The following GREB1 variants were observed in gnomAD, a reference collection of about 807,000 sequenced individuals.
GREB1 encodes the protein growth regulating estrogen receptor binding 1, also known as protein GREB1.
GREB1 carries 106 observed loss-of-function variants against 200.7 expected under a neutral mutation model. That is an observed-to-expected ratio of 0.53 (90% CI 0.45 to 0.62). The LOEUF is 0.62. Among genes scored for constraint, GREB1 ranks in the 20% least tolerant of loss-of-function variants. The pLI is 0.00. For synonymous variants in GREB1, 1,132 were observed against 1,092.4 expected (o/e 1.04, Z -0.72); for missense variants, 2,243 against 2,556.8 (o/e 0.88, Z 2.65).
At chr2:11,598,603 C>T (rs1681478477) in intron 14 of GREB1, 77 bp from the exon 15 acceptor site, 3 of 1,323,700 alleles carry the variant, frequency 2.3e-6, no homozygotes, top group South Asian at 1.3e-5. Context: ...GTAGGAGTCG[C>T]TCCTCAGGTG....
chr2:11,598,808 C>T lies in GREB1; in HGVS notation c.2281C>T (p.Pro761Ser), dbSNP rs1378317586. The T allele has an allele frequency of 3.7e-6, 6 of 1,614,078 alleles. No homozygotes were observed. Among genetic ancestry groups the T allele is most frequent in the Non-Finnish European group, 5.1e-6 (6 of 1,180,038 alleles). ...KAFLQNSFQN[P>S]HTLFVLIHDH... ...TTTTCTGCAAAACTCCTTCCAGAAC[C>T]CGCATACACTTTTTGTCCTAATCCA... The change falls in exon 15 of 33, where the codon CCG (proline) becomes TCG (serine). Residue 761 changes from proline (P) to serine (S), a missense_variant. Coordinates refer to ENST00000381486, the MANE Select transcript of GREB1 (RefSeq NM_014668.4).
intron 1 of GREB1, among the ~76,000 whole-genome samples, chr2:11,488,526 C>T (rs186770500): frequency 1.3e-5 from 2 of 152,252 alleles, no homozygotes; most frequent in Non-Finnish European, 2.9e-5. Flanking sequence ...TGCAGTGGCT[C>T]ATGCCTGTAA....
chr2:11,530,310 C>T (rs1359305202), upstream of GREB1, among the ~76,000 whole-genome samples: 1 of 151,990 alleles, frequency 6.6e-6, no homozygotes. Context: ...GATCCACCCA[C>T]TTTGGCCTCC....
intron 31 of GREB1, among the ~76,000 whole-genome samples, 166 bp downstream of exon 31, chr2:11,638,082 C>G (rs928779587): frequency 6.6e-6 from 1 of 152,230 alleles, no homozygotes; most frequent in Admixed American, 6.5e-5. Flanking sequence ...GATGCTTTGC[C>G]TGGAAGTAAG....
intron 24 of GREB1, among the ~76,000 whole-genome samples, chr2:11,625,702 A>G (rs757231838): frequency 2.6e-5 from 4 of 152,122 alleles, no homozygotes; most frequent in Admixed American, 6.5e-5. Flanking sequence ...CCCAACATCC[A>G]TGGTGTGCTG....
At chr2:11,576,645 C>A in intron 5 of GREB1, 110 bp downstream of exon 5, 1 of 764,592 alleles carries the variant, frequency 1.3e-6, no homozygotes, top group Non-Finnish European at 2.2e-6. Context: ...GCACACATCA[C>A]GGGCAAAAGG....
intron 1 of GREB1, among the ~76,000 whole-genome samples, chr2:11,515,104 ATCCT>A (rs1300133589): frequency 4.4e-5 from 4 of 91,330 alleles, no homozygotes; most frequent in Non-Finnish European, 6.9e-5. Context: ...CCATCTATCC[ATCCT>A]TCCATCCATC....
chr2:11,512,266 G>T (rs1673372321), intron 1 of GREB1, among the ~76,000 whole-genome samples: 2 of 152,176 alleles, frequency 1.3e-5, no homozygotes, highest in Admixed American at 1.3e-4. Flanking sequence ...TCCTGGGGAG[G>T]AATTTGTGTC....
intron 12 of GREB1, among the ~76,000 whole-genome samples, chr2:11,595,881 G>A (rs1469466162): frequency 6.6e-6 from 1 of 152,016 alleles, no homozygotes; most frequent in Non-Finnish European, 1.5e-5. Flanking sequence ...CCTTTACCAT[G>A]TTGTTCTTCC....
At chr2:11,626,563 G>A (rs1684474981) in intron 24 of GREB1, among the ~76,000 whole-genome samples, 1 of 152,202 alleles carries the variant, frequency 6.6e-6, no homozygotes, top group South Asian at 2.1e-4. Context: ...ACTCCAGCCT[G>A]AGCGACAGAG....
chr2:11,499,768 T>C (rs1360644532), intron 1 of GREB1, among the ~76,000 whole-genome samples: 2 of 152,234 alleles, frequency 1.3e-5, no homozygotes, highest in African/African-American at 4.8e-5. Context: ...TTAATGTAGA[T>C]ATGCACATTT....
At chr2:11,604,234 C>T (rs1682047229) in intron 17 of GREB1, among the ~76,000 whole-genome samples, 1 of 152,196 alleles carries the variant, frequency 6.6e-6, no homozygotes, top group Non-Finnish European at 1.5e-5. Flanking sequence ...GTAACAGTTG[C>T]ATGCTGAGAG....
At chr2:11,586,959 C>T (rs970016789) in intron 9 of GREB1, among the ~76,000 whole-genome samples, 5 of 152,048 alleles carry the variant, frequency 3.3e-5, no homozygotes, top group African/African-American at 1.2e-4. Flanking sequence ...CCGAAGACCA[C>T]GGTGCTCAGG....
At chr2:11,505,068 A>G (rs1249229535) in intron 1 of GREB1, among the ~76,000 whole-genome samples, 1 of 152,066 alleles carries the variant, frequency 6.6e-6, no homozygotes, top group Non-Finnish European at 1.5e-5. Flanking sequence ...AGTAGTTGGG[A>G]CTACAGGAGC....
intron 18 of GREB1, among the ~76,000 whole-genome samples, chr2:11,611,969 G>A (rs1395889315): frequency 3.9e-5 from 6 of 152,072 alleles, no homozygotes; most frequent in African/African-American, 1.2e-4. Flanking sequence ...CGAGGCGGGC[G>A]GATCACTTGA....
intron 1 of GREB1, among the ~76,000 whole-genome samples, chr2:11,500,769 A>G (rs567695908): frequency 1.3e-5 from 2 of 152,348 alleles, no homozygotes; most frequent in Admixed American, 6.5e-5. Flanking sequence ...CTCAGTTTTC[A>G]TAAGCAAATA....
intron 3 of GREB1, among the ~76,000 whole-genome samples, chr2:11,564,031 G>C (rs1010770014): frequency 5.3e-5 from 8 of 152,320 alleles, no homozygotes; most frequent in Non-Finnish European, 1.2e-4. Flanking sequence ...AGTCAGCCAG[G>C]AGACTGTGGA....
At chr2:11,615,934 T>G (rs187377124) in intron 20 of GREB1, among the ~76,000 whole-genome samples, 1 of 152,344 alleles carries the variant, frequency 6.6e-6, no homozygotes, top group East Asian at 1.9e-4. Flanking sequence ...TGGTCTGCCT[T>G]GTCTGTCTTG....
Position 11,598,721 on chromosome 2 carries a change from A to G in GREB1, c.2194A>G (p.Lys732Glu), listed in dbSNP as rs756952751. The G allele has an allele frequency of 1.2e-6, 2 of 1,614,178 alleles. No individual in the cohort carries two copies. Among genetic ancestry groups the G allele is most frequent in the Non-Finnish European group, 1.7e-6 (2 of 1,180,030 alleles). Residue 732 changes from lysine to glutamate, a missense_variant, in exon 15 of 33, where the codon AAG becomes GAG. By Grantham distance (56) the Lys-to-Glu change is moderately conservative. Around this residue, in one of 3 missense-constraint regions of GREB1, gnomAD observed 1,178 missense variants for 1,387.4 expected, o/e 0.85. Coordinates refer to ENST00000381486, the MANE Select transcript of GREB1 (RefSeq NM_014668.4). ...TGGTCTGAAGAAAGAGCACATGACGAAGCAGAGGGTGGAACAGTATGTTCT... is the reference window on the plus strand; with the variant it reads ...TGGTCTGAAGAAAGAGCACATGACGGAGCAGAGGGTGGAACAGTATGTTCT... ...ELGLKKEHMT[K>E]QRVEQYVLKL...
Sources: gnomAD v4.1 joint callset for allele counts (sites outside exome capture counted in the v4.1 genomes callset) on GRCh38, gnomAD v4.1.1 for gene constraint, gnomAD v4.1.1 regional missense constraint, MANE v1.5 for transcripts, NCBI Gene and HGNC (gene_info 2026-07-23, HGNC 2026-07-21) for gene names.